CEP97: variants seen among roughly 807,000 people sequenced by gnomAD.
CEP97 encodes centrosomal protein of 97 kDa.
Under a neutral mutation model 73.1 loss-of-function variants are expected in CEP97, and 43 were observed. The observed-to-expected ratio is 0.59, with a 90% CI of 0.46 to 0.76. The LOEUF (loss-of-function observed/expected upper bound fraction) is 0.76, where lower values mean the gene tolerates loss of function less well. Among genes scored for constraint, CEP97 ranks in the 30% least tolerant of loss-of-function variants. The pLI, the probability that CEP97 is intolerant of heterozygous loss-of-function variation, is 0.00. For synonymous variants in CEP97, 337 were observed against 370.0 expected, an observed-to-expected ratio of 0.91 and a Z score of 1.02; for missense variants, 939 against 1,014.0, an observed-to-expected ratio of 0.93 and a Z score of 1.00.
intron 3 of CEP97, among the ~76,000 whole-genome samples, chr3:101,728,479 G>C (rs1021237309): frequency 6.6e-6 from 1 of 151,892 alleles, no homozygotes; most frequent in African/African-American, 2.4e-5. Context: ...GGCCAGGCTG[G>C]TCTCGAACTC....
rs138854860 is a variant in CEP97, at chr3:101,757,828, G to A, written c.1222G>A (p.Val408Ile). 3.7e-6 allele frequency: 6 copies of A among 1,614,134 alleles called. No homozygotes were observed. Among genetic ancestry groups the A allele is most frequent in the Non-Finnish European group, 5.1e-6 (6 of 1,180,052 alleles). Residue 408 changes from valine to isoleucine, a missense_variant, in exon 9 of 11, where the codon GTT becomes ATT. By Grantham distance (29) the Val-to-Ile change is conservative. Coordinates refer to ENST00000341893, the MANE Select transcript of CEP97 (RefSeq NM_024548.4). ...CTCTTCAGAGTCTACTTTTATGCCA[G>A]TTGCATCAGGACTGTCTCCACTATC... ...LLSSESTFMP[V>I]ASGLSPLSPT...
At chr3:101,749,277 G>T (rs1329216386) in intron 6 of CEP97, among the ~76,000 whole-genome samples, 1 of 151,108 alleles carries the variant, frequency 6.6e-6, no homozygotes, top group Non-Finnish European at 1.5e-5. Context: ...AGTTTACTGA[G>T]AATGATAATT....
chr3:101,728,683 G>A, intron 3 of CEP97, 153 bp from the exon 4 acceptor site: 1 of 609,338 alleles, frequency 1.6e-6, no homozygotes, highest in Non-Finnish European at 2.9e-6. Context: ...ACTAAATTCT[G>A]TTAGTACTGC....
At chr3:101,744,879 TTATTTGCTA>T (rs1286291592) in intron 6 of CEP97, among the ~76,000 whole-genome samples, 1 of 152,198 alleles carries the variant, frequency 6.6e-6, no homozygotes, top group Non-Finnish European at 1.5e-5. Context: ...ATCCTGGTTG[TTATTTGCTA>T]AGAACACCCA....
intron 4 of CEP97, among the ~76,000 whole-genome samples, chr3:101,729,503 C>T (rs1458347552): frequency 6.6e-6 from 1 of 152,158 alleles, no homozygotes; most frequent in Non-Finnish European, 1.5e-5. Flanking sequence ...GCCCAATCAA[C>T]CAATATTAGT....
In CEP97 at chr3:101,765,133, G is replaced by A; in HGVS notation, c.2180G>A (p.Gly727Asp). ...SLDFEKSSTE[G>D]SESSIMGNSI... is the part of the protein sequence containing the mutation. Reference sequence around the variant, plus strand: ...GATTTTGAGAAAAGTTCCACAGAAGGCAGTGAAAGCTCCATAATGGGGAAT... The same window carrying A: ...GATTTTGAGAAAAGTTCCACAGAAGACAGTGAAAGCTCCATAATGGGGAAT... Residue 727 changes from glycine (G) to aspartate (D), a missense_variant, in exon 11 of 11, where the codon GGC becomes GAC. By Grantham distance (94) the Gly-to-Asp change is moderately conservative (BLOSUM62 -1). Transcript: ENST00000341893. The A allele has an allele frequency of 6.2e-7, 1 of 1,614,172 alleles. No individual in the cohort carries two copies. Among genetic ancestry groups the A allele is most frequent in the South Asian group, 1.1e-5 (1 of 91,086 alleles).
chr3:101,729,002 C>G, intron 4 of CEP97, 65 bp downstream of exon 4: 1 of 941,256 alleles, frequency 1.1e-6, no homozygotes, highest in Non-Finnish European at 1.7e-6. Flanking sequence ...AGTAATCTTA[C>G]TGACCTAAAA....
At chr3:101,754,872 G>C (rs1189307939) in intron 6 of CEP97, among the ~76,000 whole-genome samples, 2 of 151,452 alleles carry the variant, frequency 1.3e-5, no homozygotes, top group African/African-American at 2.4e-5. Context: ...ATTGGATATG[G>C]ATGTTTGTTC....
intron 1 of CEP97, 46 bp downstream of exon 1, chr3:101,724,765 T>C: frequency 6.3e-7 from 1 of 1,593,446 alleles, no homozygotes; most frequent in Non-Finnish European, 8.6e-7. Flanking sequence ...TTCACGGAGC[T>C]GAATTAAATA....
chr3:101,747,562 C>CTT (rs34455491), intron 6 of CEP97, among the ~76,000 whole-genome samples: 8 of 127,220 alleles, frequency 6.3e-5, no homozygotes, highest in African/African-American at 1.5e-4. Context: ...CCTGGCCTTC[C>CTT]TTTTTTTTTT....
chr3:101,740,433 A>G (rs1288141542), intron 6 of CEP97, among the ~76,000 whole-genome samples: 3 of 152,230 alleles, frequency 2.0e-5, no homozygotes, highest in African/African-American at 4.8e-5. Flanking sequence ...CTCTTCAAGG[A>G]GAACTACAAA....
intron 6 of CEP97, among the ~76,000 whole-genome samples, chr3:101,739,475 G>A (rs865831866): frequency 6.6e-6 from 1 of 152,120 alleles, no homozygotes; most frequent in South Asian, 2.1e-4. Flanking sequence ...TATCCACCAC[G>A]ATCAAATCGG....
intron 8 of CEP97, 34 bp downstream of exon 8, chr3:101,757,230 C>T (rs375068070): frequency 1.3e-6 from 2 of 1,572,202 alleles, no homozygotes; most frequent in African/African-American, 1.4e-5. Context: ...TCCCTTTTCT[C>T]CAAGTTGTTT....
At chr3:101,754,883 A>G (rs1293138310) in intron 6 of CEP97, among the ~76,000 whole-genome samples, 1 of 149,740 alleles carries the variant, frequency 6.7e-6, no homozygotes, top group East Asian at 2.0e-4. Flanking sequence ...ATGTTTGTTC[A>G]GATTCAGGTT....
intron 9 of CEP97, among the ~76,000 whole-genome samples, chr3:101,762,108 A>G (rs1023651481): frequency 8.1e-4 from 123 of 152,058 alleles, no homozygotes; most frequent in African/African-American, 2.9e-3. Context: ...CCTTTTTTGC[A>G]CTTTCTGTTC....
At chr3:101,761,142 C>T (rs1369957652) in intron 9 of CEP97, among the ~76,000 whole-genome samples, 1 of 152,030 alleles carries the variant, frequency 6.6e-6, no homozygotes, top group Non-Finnish European at 1.5e-5. Flanking sequence ...GCTGGGATTA[C>T]AGGTGTGAGC....
intron 6 of CEP97, among the ~76,000 whole-genome samples, chr3:101,738,677 T>C (rs1005383330): frequency 6.6e-6 from 1 of 152,110 alleles, no homozygotes; most frequent in African/African-American, 2.4e-5. Context: ...TGGTACACAT[T>C]TAAAGCAGTG....
intron 6 of CEP97, among the ~76,000 whole-genome samples, chr3:101,742,422 G>T (rs1938486557): frequency 6.6e-6 from 1 of 152,170 alleles, no homozygotes; most frequent in African/African-American, 2.4e-5. Context: ...AAATGGATCA[G>T]TTCATGTCCT....
At chr3:101,740,658 C>T (rs781074831) in intron 6 of CEP97, among the ~76,000 whole-genome samples, 16 of 151,742 alleles carry the variant, frequency 1.1e-4, no homozygotes, top group East Asian at 5.8e-4. Context: ...GGCATGATCT[C>T]GGCTCACTAC....
Sources: allele counts gnomAD v4.1 joint callset (sites outside exome capture counted in the v4.1 genomes callset), GRCh38; gene constraint gnomAD v4.1.1; transcripts MANE v1.5; gene names NCBI Gene and HGNC (gene_info 2026-07-23, HGNC 2026-07-21).